MICU3: variants seen among roughly 807,000 people sequenced by gnomAD.
MICU3 encodes the protein mitochondrial calcium uptake 3.
MICU3 carries 62 observed loss-of-function variants against 66.5 expected under a neutral mutation model. The observed-to-expected ratio is 0.93, with a 90% CI of 0.76 to 1.15. The LOEUF (loss-of-function observed/expected upper bound fraction) is 1.15, where lower values mean the gene tolerates loss of function less well. MICU3 is among the 50% of genes most tolerant of loss of function. The probability of loss-of-function intolerance (pLI) is 0.00; values close to 1 mark genes in which losing one functional copy is unlikely to be tolerated. For synonymous variants in MICU3, 308 were observed against 240.7 expected (o/e 1.28, Z -2.59); for missense variants, 779 against 664.4 (o/e 1.17, Z -1.90).
At chr8:17,099,865 C>G (rs148072341) in intron 9 of MICU3, among the ~76,000 whole-genome samples, 1 of 151,844 alleles carries the variant, frequency 6.6e-6, no homozygotes, top group East Asian at 1.9e-4. Flanking sequence ...CTTCCAGCCT[C>G]CAACTATCTT....
chr8:17,105,574 C>A lies in MICU3; in HGVS notation c.1247C>A (p.Pro416His). 6.6e-7 allele frequency: 1 copy of A among 1,524,366 alleles called. No individual in the cohort carries two copies. The highest frequency in any genetic ancestry group is 8.8e-7 in the Non-Finnish European group (1 of 1,133,534). 94.4% of individuals were successfully genotyped at this position (1,524,366 alleles called of 1,614,324 possible). A position where few individuals can be genotyped will look rare whatever the true frequency, so the allele number is the denominator to read the frequency against. The change falls in exon 11 of 15, where the codon CCT (proline) becomes CAT (histidine). Residue 416 changes from proline to histidine, a missense_variant. Pro to His is a moderately conservative substitution (Grantham distance 77). Coordinates refer to ENST00000318063, the MANE Select transcript of MICU3 (RefSeq NM_181723.3). ...VFLENVRYSI[P>H]EEKGITFDEF... The stretch of plus-strand genomic sequence containing the variant: ...TTAGAAAATGTGCGTTACAGTATAC[C>A]TGAAGAAAAGGTATCTAATCCTCAT...
chr8:17,107,993 A>G (rs1801883046), intron 11 of MICU3, among the ~76,000 whole-genome samples: 1 of 152,186 alleles, frequency 6.6e-6, no homozygotes. Flanking sequence ...GGCTTGGACC[A>G]GGGTAAGAGT....
chr8:17,134,617 T>G, the MICU3 span, among the ~76,000 whole-genome samples: 2 of 152,074 alleles, frequency 1.3e-5, no homozygotes, highest in African/African-American at 2.4e-5. Context: ...GCTAATTTTT[T>G]TATTTTTTAG....
At chr8:17,094,472 G>C (rs1321631964) in intron 8 of MICU3, among the ~76,000 whole-genome samples, 1 of 151,996 alleles carries the variant, frequency 6.6e-6, no homozygotes, top group Non-Finnish European at 1.5e-5. Context: ...AAAATATAGT[G>C]AGAAGAGTGA....
chr8:17,072,657 G>C lies in MICU3; in HGVS notation c.567+2938G>C, dbSNP rs528077503. On this transcript the variant is annotated intron_variant, in intron 3 of 14. Transcript: ENST00000318063. ...ACGTAGAACCCCTTTTTTTATCTTT[G>C]TAAAAAAGATTATGGCTTAATAAGA... 1.5e-4 allele frequency among the ~76,000 whole-genome samples: 23 copies of C among 151,910 alleles called. 1 individual carries two copies. Among genetic ancestry groups the C allele is most frequent in the African/African-American group, 5.5e-4 (23 of 41,482 alleles).
intron 11 of MICU3, among the ~76,000 whole-genome samples, chr8:17,112,434 C>G (rs1444434172): frequency 6.6e-6 from 1 of 152,156 alleles, no homozygotes; most frequent in Non-Finnish European, 1.5e-5. Context: ...GGCCACACCC[C>G]TTTTGTCTGC....
intron 11 of MICU3, among the ~76,000 whole-genome samples, chr8:17,112,430 A>T (rs747188912): frequency 5.3e-5 from 8 of 151,964 alleles, no homozygotes; most frequent in Non-Finnish European, 1.0e-4. Flanking sequence ...AAATGGCCAC[A>T]CCCCTTTTGT....
chr8:17,072,063 C>T (rs1475383072), intron 3 of MICU3, among the ~76,000 whole-genome samples: 1 of 151,384 alleles, frequency 6.6e-6, no homozygotes. Context: ...GAGTAAGGGC[C>T]CCAAAATATT....
chr8:17,137,157 G>A, the MICU3 span, among the ~76,000 whole-genome samples: 10 of 151,984 alleles, frequency 6.6e-5, no homozygotes, highest in Non-Finnish European at 1.2e-4. Context: ...ATCCAAGTAC[G>A]TAAAGGCTTC....
At chr8:17,067,220 G>A (rs558010849) in intron 2 of MICU3, among the ~76,000 whole-genome samples, 4 of 152,254 alleles carry the variant, frequency 2.6e-5, no homozygotes, top group East Asian at 1.9e-4. Flanking sequence ...AAACTGTAGC[G>A]TAATGAAATT....
chr8:17,028,075 A>C (rs1034000307), intron 1 of MICU3, among the ~76,000 whole-genome samples: 1 of 152,228 alleles, frequency 6.6e-6, no homozygotes, highest in African/African-American at 2.4e-5. Context: ...GTTTCGAAGC[A>C]GCGGTCTGAG....
chr8:17,087,536 C>T (rs945419777), intron 7 of MICU3, among the ~76,000 whole-genome samples: 22 of 152,038 alleles, frequency 1.4e-4, no homozygotes, highest in African/African-American at 4.3e-4. Context: ...ACATTACCCT[C>T]CATCTTCCTA....
downstream of MICU3, among the ~76,000 whole-genome samples, chr8:17,126,409 T>C (rs544957368): frequency 1.2e-3 from 189 of 152,192 alleles, 1 homozygote; most frequent in Non-Finnish European, 1.4e-3. Flanking sequence ...AAAAAATTCC[T>C]TTCCTGTCAT....
chr8:17,068,981 T>C (rs972554139), intron 2 of MICU3, among the ~76,000 whole-genome samples: 2 of 152,144 alleles, frequency 1.3e-5, no homozygotes, highest in African/African-American at 4.8e-5. Context: ...GCAAAGGAAA[T>C]AGCAATACTG....
downstream of MICU3, among the ~76,000 whole-genome samples, chr8:17,124,567 C>T (rs1475728934): frequency 1.3e-5 from 2 of 152,026 alleles, no homozygotes; most frequent in Non-Finnish European, 2.9e-5. Flanking sequence ...TCTCCCCTCT[C>T]TCTCTGTTCA....
rs746149322 is a variant in MICU3, at chr8:17,104,994, CAAAAAAAAAAA to C, written c.1086-399_1086-389del. The stretch of plus-strand genomic sequence containing the variant: ...TGGGCGACAGAGCGAGACTCCGTCT[CAAAAAAAAAAA>C]AAAAAAAAAAAAAAAAAAATTCCAG... On this transcript the variant is annotated intron_variant, in intron 10 of 14. Coordinates refer to ENST00000318063, the MANE Select transcript of MICU3 (RefSeq NM_181723.3). Among the ~76,000 whole-genome samples, 12 of 8,718 alleles carry C rather than the reference CAAAAAAAAAAA, an allele frequency of 1.4e-3. 4 individuals are homozygous for C. The highest frequency in any genetic ancestry group is 7.9e-3 in the East Asian group (2 of 254). 5.7% of individuals were successfully genotyped at this position (8,718 alleles called of 152,430 possible).
rs896371662 is a variant in MICU3 at position 17,120,366 on chromosome 8, G to A, written c.*79G>A. 3 of 152,056 alleles carry A rather than the reference G, an allele frequency of 2.0e-5. No individual in the cohort carries two copies. The highest frequency in any genetic ancestry group is 6.6e-5 in the Admixed American group (1 of 15,254). The allele number at this position is 152,056 out of a possible 1,614,324, so 9.4% of individuals were successfully genotyped here. On this transcript the variant is annotated 3_prime_UTR_variant, in exon 15 of 15. Transcript: ENST00000318063. ...AGCAACATTTTGAGAATGGAAGCAG[G>A]TCTGAGGTCAGAAGAAGTAGAGAAT...
At chr8:17,070,013 C>T (rs1585327547) in intron 3 of MICU3, among the ~76,000 whole-genome samples, 1 of 152,082 alleles carries the variant, frequency 6.6e-6, no homozygotes, top group South Asian at 2.1e-4. Flanking sequence ...GATATGCCTA[C>T]CCTATACCTA....
intron 7 of MICU3, among the ~76,000 whole-genome samples, chr8:17,089,069 A>G (rs1026139957): frequency 3.3e-5 from 5 of 152,080 alleles, no homozygotes; most frequent in African/African-American, 1.2e-4. Flanking sequence ...ACTTTTAAGT[A>G]ATATAATATA....
Sources: gnomAD v4.1 joint callset for allele counts (sites outside exome capture counted in the v4.1 genomes callset) on GRCh38, gnomAD v4.1.1 for gene constraint, MANE v1.5 for transcripts, NCBI Gene and HGNC (gene_info 2026-07-23, HGNC 2026-07-21) for gene names.